PACRG: variants seen among roughly 807,000 people sequenced by gnomAD.
PACRG encodes the protein parkin coregulated gene protein.
PACRG carries 29 observed loss-of-function variants against 29.7 expected under a neutral mutation model. The ratio of observed to expected loss-of-function variants is 0.98; its 90% confidence interval spans 0.73 to 1.33. The LOEUF (loss-of-function observed/expected upper bound fraction) is 1.33, where lower values mean the gene tolerates loss of function less well. PACRG is among the 40% of genes most tolerant of loss of function. The probability of loss-of-function intolerance (pLI) is 0.00; values close to 1 mark genes in which losing one functional copy is unlikely to be tolerated. For missense variants in PACRG, 279 were observed against 316.2 expected (o/e 0.88, Z 0.89); for synonymous variants, 116 against 118.7 (o/e 0.98, Z 0.15).
intron 4 of PACRG, among the ~76,000 whole-genome samples, chr6:163,287,227 G>A (rs1784432976): frequency 1.3e-5 from 2 of 152,260 alleles, no homozygotes; most frequent in South Asian, 4.1e-4. Context: ...CAAATGCTGG[G>A]GTCGCATTTG....
chr6:162,888,750 C>T (rs1297308429), intron 2 of PACRG, among the ~76,000 whole-genome samples: 2 of 152,176 alleles, frequency 1.3e-5, no homozygotes, highest in Non-Finnish European at 2.9e-5. Flanking sequence ...CAGGCCCTGG[C>T]TCCCATTAGG....
chr6:163,095,533 A>G (rs1585201807), intron 4 of PACRG: 1 of 773,944 alleles, frequency 1.3e-6, no homozygotes, highest in East Asian at 1.3e-4. Flanking sequence ...TACGAGTTAA[A>G]GATCAAGGTG....
At position 163,267,301 on chromosome 6, in the gene PACRG, A is replaced by G. The variant is rs538366328; in HGVS notation, c.614-47526A>G. Among the ~76,000 whole-genome samples the G allele has an allele frequency of 4.6e-5, 7 of 152,312 alleles. No individual in the cohort carries two copies. In the South Asian group the frequency reaches 8.3e-4, roughly 18 times the overall value. On this transcript the variant is annotated intron_variant, in intron 4 of 4. Coordinates refer to ENST00000366888, the MANE Select transcript of PACRG (RefSeq NM_001080379.2). ...CCGCCTCTTCCTAACTGCATGATTT[A>G]TCTTGGCTCATTCATTTACCAAGAA...
chr6:163,094,911 A>C (rs981784637), intron 4 of PACRG, among the ~76,000 whole-genome samples: 10 of 152,182 alleles, frequency 6.6e-5, no homozygotes, highest in African/African-American at 2.4e-4. Context: ...AATTATAGAA[A>C]ACTTTCCTTC....
At chr6:162,742,861 A>G (rs751272540) in intron 1 of PACRG, among the ~76,000 whole-genome samples, 8 of 152,132 alleles carry the variant, frequency 5.3e-5, no homozygotes, top group Non-Finnish European at 1.2e-4. Flanking sequence ...TTCAAAGAAT[A>G]TCTTCTTTGA....
At chr6:163,086,657 T>A (rs191879935) in intron 3 of PACRG, among the ~76,000 whole-genome samples, 72 of 152,212 alleles carry the variant, frequency 4.7e-4, no homozygotes, top group African/African-American at 1.1e-3. Context: ...CACATTTTTT[T>A]AAAAAACTTC....
chr6:163,107,805 C>T (rs575168518), intron 4 of PACRG, among the ~76,000 whole-genome samples: 9 of 152,172 alleles, frequency 5.9e-5, no homozygotes, highest in South Asian at 4.1e-4. Flanking sequence ...CTAATGCTGA[C>T]GTTTCTAGAC....
chr6:162,878,656 A>G (rs1177847857), intron 2 of PACRG, among the ~76,000 whole-genome samples: 1 of 152,190 alleles, frequency 6.6e-6, no homozygotes, highest in African/African-American at 2.4e-5. Context: ...TTAAGCTTTT[A>G]AAAAATAGTA....
intron 1 of PACRG, among the ~76,000 whole-genome samples, chr6:162,769,765 C>CA (rs201767213): frequency 0.26 from 32,831 of 126,144 alleles, 4,394 homozygotes; most frequent in African/African-American, 0.38. Flanking sequence ...AGAAGGTTAG[C>CA]AAAAAAAAAA....
chr6:163,073,475 AC>A (rs1812261976), intron 3 of PACRG, among the ~76,000 whole-genome samples: 1 of 152,238 alleles, frequency 6.6e-6, no homozygotes, highest in African/African-American at 2.4e-5. Context: ...AAACTATGAA[AC>A]TACTACAAGA....
At chr6:163,160,840 T>C (rs1778526563) in intron 4 of PACRG, among the ~76,000 whole-genome samples, 1 of 152,190 alleles carries the variant, frequency 6.6e-6, no homozygotes, top group Admixed American at 6.5e-5. Flanking sequence ...TTGGAGGAAT[T>C]CCCACCATGG....
At chr6:163,139,477 G>C (rs1258952372) in intron 4 of PACRG, among the ~76,000 whole-genome samples, 1 of 152,186 alleles carries the variant, frequency 6.6e-6, no homozygotes, top group African/African-American at 2.4e-5. Context: ...TATTTAATCT[G>C]TCTATTTTCA....
intron 4 of PACRG, among the ~76,000 whole-genome samples, chr6:163,163,122 T>C (rs954125720): frequency 2.0e-5 from 3 of 152,226 alleles, no homozygotes; most frequent in Non-Finnish European, 4.4e-5. Flanking sequence ...ACCCACCTTT[T>C]TCTTTCCAAT....
rs12190344 is a variant in PACRG at position 163,300,995 on chromosome 6, G to A, written c.614-13832G>A. On this transcript the variant is annotated intron_variant, in intron 4 of 4. Coordinates refer to ENST00000366888, the MANE Select transcript of PACRG (RefSeq NM_001080379.2). ...CTTCCCGTGAGTTTAGTAGGGCCAC[G>A]TCCGCTGCTTCCCGTGAGTTTAGTA... Among the ~76,000 whole-genome samples, 264 of 91,508 alleles carry A rather than the reference G, an allele frequency of 2.9e-3. 6 individuals are homozygous for A. Among genetic ancestry groups the A allele is most frequent in the African/African-American group, 7.9e-3 (246 of 30,996 alleles). The allele number at this position is 91,508 out of a possible 152,430, so 60.0% of individuals were successfully genotyped here.
Position 162,879,034 on chromosome 6 carries a change from T to A in PACRG, c.291+64753T>A, listed in dbSNP as rs77658285. Among the ~76,000 whole-genome samples the A allele has an allele frequency of 1.5e-3, 227 of 152,338 alleles. 2 individuals carry two copies. The East Asian group carries it at 0.018, about 12-fold the overall frequency. On this transcript the variant is annotated intron_variant, in intron 2 of 4. Coordinates refer to ENST00000366888, the MANE Select transcript of PACRG (RefSeq NM_001080379.2). Reference sequence around the variant, plus strand: ...ATTGTAATTGCATACAAAGGAGGAATCTCATGGTGTTTCAATACAGTCTAA... The same window carrying A: ...ATTGTAATTGCATACAAAGGAGGAAACTCATGGTGTTTCAATACAGTCTAA...
intron 3 of PACRG, among the ~76,000 whole-genome samples, chr6:163,070,878 A>C (rs550234945): frequency 1.3e-5 from 2 of 152,212 alleles, no homozygotes; most frequent in African/African-American, 4.8e-5. Context: ...ATGCCAATGG[A>C]AACCAAAAAA....
At chr6:162,773,783 A>AT (rs746663632) in intron 1 of PACRG, among the ~76,000 whole-genome samples, 6 of 151,736 alleles carry the variant, frequency 4.0e-5, no homozygotes, top group African/African-American at 4.8e-5. Context: ...CCAAAGTGTC[A>AT]TTTTTTTTAA....
chr6:162,806,245 A>T (rs992725399), intron 1 of PACRG, among the ~76,000 whole-genome samples: 2 of 151,690 alleles, frequency 1.3e-5, no homozygotes, highest in African/African-American at 4.8e-5. Context: ...AGTATCTGGG[A>T]TCACAGGCAT....
chr6:163,059,147 T>C (rs1201685106), intron 2 of PACRG, among the ~76,000 whole-genome samples: 1 of 151,986 alleles, frequency 6.6e-6, no homozygotes, highest in African/African-American at 2.4e-5. Context: ...AAAGAACTGC[T>C]GTGGTCAGTG....
Sources: allele counts gnomAD v4.1 joint callset (sites outside exome capture counted in the v4.1 genomes callset), GRCh38; gene constraint gnomAD v4.1.1; transcripts MANE v1.5; gene names NCBI Gene and HGNC (gene_info 2026-07-23, HGNC 2026-07-21).